Variants in HSF2BP observed in about 807,000 individuals in gnomAD.
HSF2BP encodes the protein heat shock transcription factor 2 binding protein, also known as heat shock factor 2-binding protein.
In HSF2BP, 35 loss-of-function variants were observed where a neutral mutation model predicts 35.0. The ratio of observed to expected loss-of-function variants is 1.00; its 90% CI spans 0.76 to 1.32. The LOEUF (loss-of-function observed/expected upper bound fraction) is 1.32, where lower values mean the gene tolerates loss of function less well. HSF2BP is among the 40% of genes most tolerant of loss of function. The pLI, the probability that HSF2BP is intolerant of heterozygous loss-of-function variation, is 0.00. For missense variants in HSF2BP, 326 were observed against 321.7 expected, an observed-to-expected ratio of 1.01 and a Z score of -0.10; for synonymous variants, 114 against 117.4, an observed-to-expected ratio of 0.97 and a Z score of 0.18.
At chr21:43,606,805 G>A (rs1268945166) in intron 7 of HSF2BP, among the ~76,000 whole-genome samples, 1 of 152,208 alleles carries the variant, frequency 6.6e-6, no homozygotes, top group Non-Finnish European at 1.5e-5. Context: ...TGGATGTGAA[G>A]AGAGCAACTG....
intron 3 of HSF2BP, among the ~76,000 whole-genome samples, chr21:43,653,197 AAGGGGAAGGGAAG>A (rs1412250089): frequency 0.012 from 194 of 15,764 alleles, no homozygotes; most frequent in South Asian, 0.026. Flanking sequence ...AAAGGAAGGG[AAGGGGAAGGGAAG>A]GGAAGGGGAA....
intron 3 of HSF2BP, among the ~76,000 whole-genome samples, 183 bp from the exon 4 acceptor site, chr21:43,644,575 T>G (rs1483464317): frequency 6.6e-6 from 1 of 152,242 alleles, no homozygotes; most frequent in East Asian, 1.9e-4. Flanking sequence ...TTCTCTAAGT[T>G]CATCTCAGTT....
At chr21:43,589,353 G>A (rs951408985) in intron 8 of HSF2BP, among the ~76,000 whole-genome samples, 8 of 152,098 alleles carry the variant, frequency 5.3e-5, no homozygotes, top group African/African-American at 9.7e-5. Flanking sequence ...CTTGTGTCTC[G>A]ACAATATCTA....
intron 8 of HSF2BP, among the ~76,000 whole-genome samples, chr21:43,587,063 G>A (rs2081860451): frequency 6.6e-6 from 1 of 152,178 alleles, no homozygotes; most frequent in Non-Finnish European, 1.5e-5. Flanking sequence ...TCTGAAAACA[G>A]TCTAAATTCT....
intron 7 of HSF2BP, among the ~76,000 whole-genome samples, chr21:43,604,493 CACCACACACTA>C (rs1225382078): frequency 1.4e-5 from 2 of 141,526 alleles, no homozygotes; most frequent in Non-Finnish European, 3.1e-5. Flanking sequence ...TACACACACA[CACCACACACTA>C]CACACACTAT....
chr21:43,579,881 T>C (rs1232336956), intron 8 of HSF2BP, among the ~76,000 whole-genome samples: 2 of 152,260 alleles, frequency 1.3e-5, no homozygotes, highest in African/African-American at 4.8e-5. Flanking sequence ...ACAGCCACCC[T>C]GTTCCAAACA....
intron 8 of HSF2BP, among the ~76,000 whole-genome samples, chr21:43,591,889 T>C (rs1299978433): frequency 1.3e-5 from 2 of 152,230 alleles, no homozygotes; most frequent in African/African-American, 2.4e-5. Context: ...AGTAGCTATC[T>C]AGGTCATCAG....
chr21:43,581,867 C>CCCTGCTGTGGGGGATGAGGG (rs1344736342), intron 8 of HSF2BP, among the ~76,000 whole-genome samples: 1 of 33,740 alleles, frequency 3.0e-5, no homozygotes, highest in African/African-American at 1.1e-4. Context: ...TGCTGAGGGG[C>CCCTGCTGTGGGGGATGAGGG]CCTGCTGTGG....
At chr21:43,501,385 C>T in the HSF2BP span, among the ~76,000 whole-genome samples, 2 of 99,206 alleles carry the variant, frequency 2.0e-5, 1 homozygote. Context: ...CTGCTAGTCA[C>T]TCTGTAGCTG....
At chr21:43,599,596 C>A (rs1428976679) in intron 7 of HSF2BP, among the ~76,000 whole-genome samples, 2 of 152,030 alleles carry the variant, frequency 1.3e-5, no homozygotes, top group African/African-American at 4.8e-5. Flanking sequence ...GAGTTCGAGA[C>A]CAGCCTGGCC....
intron 3 of HSF2BP, among the ~76,000 whole-genome samples, chr21:43,653,205 GGGAAGGGAAGGGGA>G: frequency 5.0e-5 from 1 of 19,824 alleles, no homozygotes; most frequent in Non-Finnish European, 1.0e-4. Flanking sequence ...GGAAGGGGAA[GGGAAGGGAAGGGGA>G]AGGGAAGGGA....
intron 4 of HSF2BP, among the ~76,000 whole-genome samples, chr21:43,639,139 C>T (rs1238917801): frequency 3.3e-5 from 5 of 152,104 alleles, no homozygotes; most frequent in African/African-American, 9.7e-5. Flanking sequence ...ATACCTTCTA[C>T]AAAAATTAAC....
At chr21:43,608,127 G>GC (rs2082157467) in intron 7 of HSF2BP, among the ~76,000 whole-genome samples, 1 of 96,722 alleles carries the variant, frequency 1.0e-5, no homozygotes, top group East Asian at 5.2e-4. Flanking sequence ...CTTCTCCACA[G>GC]CAAAAAAAAC....
At chr21:43,574,132 A>G (rs573105540) in intron 8 of HSF2BP, among the ~76,000 whole-genome samples, 2 of 152,318 alleles carry the variant, frequency 1.3e-5, no homozygotes, top group South Asian at 4.1e-4. Context: ...ATCTCTTACC[A>G]GACTGCCAGC....
intron 6 of HSF2BP, among the ~76,000 whole-genome samples, chr21:43,618,278 G>A (rs1474349235): frequency 3.3e-5 from 5 of 151,962 alleles, no homozygotes; most frequent in Admixed American, 3.3e-4. Context: ...AAAGAATCTG[G>A]TGTCAATTAT....
intron 2 of HSF2BP, chr21:43,657,839 C>A: frequency 1.0e-6 from 1 of 985,458 alleles, no homozygotes; most frequent in Non-Finnish European, 1.2e-6. Flanking sequence ...CCACGCGCAG[C>A]CTCACAGACC....
intron 2 of HSF2BP, 82 bp from the exon 3 acceptor site, chr21:43,656,819 A>G: frequency 8.6e-7 from 1 of 1,163,770 alleles, no homozygotes; most frequent in Non-Finnish European, 1.3e-6. Context: ...CTTTTCTTTC[A>G]CACCTCTTAT....
intron 7 of HSF2BP, among the ~76,000 whole-genome samples, chr21:43,610,207 CAT>C (rs1174871772): frequency 2.0e-5 from 3 of 152,096 alleles, no homozygotes; most frequent in Non-Finnish European, 4.4e-5. Context: ...ATGGTACAAA[CAT>C]GTGAAGAGCC....
At chr21:43,609,587 G>A (rs2082177898) in intron 7 of HSF2BP, among the ~76,000 whole-genome samples, 1 of 152,122 alleles carries the variant, frequency 6.6e-6, no homozygotes, top group Admixed American at 6.5e-5. Context: ...TATACACAAG[G>A]CAGGGGGAGG....
Sources: allele counts gnomAD v4.1 joint callset (sites outside exome capture counted in the v4.1 genomes callset), GRCh38; gene constraint gnomAD v4.1.1; transcripts MANE v1.5; gene names NCBI Gene and HGNC (gene_info 2026-07-23, HGNC 2026-07-21).